The following GALNT13 variants were observed in gnomAD, a reference collection of about 807,000 sequenced individuals.
GALNT13 encodes the protein UDP-GalNAc:polypeptide N-acetylgalactosaminyltransferase 13.
In GALNT13, 28 loss-of-function variants were observed where a neutral mutation model predicts 64.2. The observed-to-expected ratio is 0.44, with a 90% CI of 0.32 to 0.60. The LOEUF (loss-of-function observed/expected upper bound fraction) is 0.60. GALNT13 is among the 20% of genes least tolerant of loss of function. GALNT13 has a pLI of 0.05. For missense variants in GALNT13, 577 were observed against 669.8 expected (o/e 0.86, Z 1.53); for synonymous variants, 214 against 224.6 (o/e 0.95, Z 0.42).
At chr2:153,599,420 C>T in the GALNT13 span, among the ~76,000 whole-genome samples, 7 of 152,120 alleles carry the variant, frequency 4.6e-5, no homozygotes, top group African/African-American at 1.4e-4. Context: ...CTTTGGTAAG[C>T]ACCATTCTGC....
chr2:153,833,555 G>A, the GALNT13 span, among the ~76,000 whole-genome samples: 2 of 152,100 alleles, frequency 1.3e-5, no homozygotes, highest in African/African-American at 4.8e-5. Context: ...ATTAGTAATT[G>A]TTGATAATCT....
the GALNT13 span, among the ~76,000 whole-genome samples, chr2:153,815,206 G>A: frequency 6.6e-6 from 1 of 152,194 alleles, no homozygotes; most frequent in Non-Finnish European, 1.5e-5. Flanking sequence ...TTTACTTGGA[G>A]AGATGATGTT....
the GALNT13 span, among the ~76,000 whole-genome samples, chr2:153,193,362 C>T: frequency 1.7e-4 from 26 of 149,276 alleles, no homozygotes; most frequent in South Asian, 4.2e-4. Context: ...AACCAAACAC[C>T]GCATATTCTC....
the GALNT13 span, among the ~76,000 whole-genome samples, chr2:153,665,595 T>C: frequency 6.6e-6 from 1 of 152,092 alleles, no homozygotes; most frequent in Admixed American, 6.5e-5. Flanking sequence ...AGAAGAAGAA[T>C]ACCCATCATT....
chr2:153,385,922 T>C, the GALNT13 span, among the ~76,000 whole-genome samples: 1 of 152,014 alleles, frequency 6.6e-6, no homozygotes, highest in Non-Finnish European at 1.5e-5. Flanking sequence ...AGGTAAATTG[T>C]ATCCTGTCAT....
At chr2:153,751,632 A>G in the GALNT13 span, among the ~76,000 whole-genome samples, 6 of 151,932 alleles carry the variant, frequency 3.9e-5, no homozygotes, top group Non-Finnish European at 8.8e-5. Flanking sequence ...TATGTCTGAC[A>G]TAAGAATAGC....
the GALNT13 span, among the ~76,000 whole-genome samples, chr2:153,529,207 A>C: frequency 6.6e-6 from 1 of 152,052 alleles, no homozygotes; most frequent in Non-Finnish European, 1.5e-5. Context: ...AATCCAAATA[A>C]AATCAGAGAT....
At chr2:153,907,367 T>TA (rs1688643765) in intron 2 of GALNT13, among the ~76,000 whole-genome samples, 1 of 151,820 alleles carries the variant, frequency 6.6e-6, no homozygotes, top group Non-Finnish European at 1.5e-5. Context: ...TACATATAAT[T>TA]ACATACATAA....
the GALNT13 span, among the ~76,000 whole-genome samples, chr2:153,378,590 T>C: frequency 6.6e-6 from 1 of 152,160 alleles, no homozygotes; most frequent in African/African-American, 2.4e-5. Flanking sequence ...CTAGAGTGTA[T>C]GCAAATTGGA....
At chr2:154,221,783 G>C (rs1688337606) in intron 4 of GALNT13, among the ~76,000 whole-genome samples, 1 of 152,034 alleles carries the variant, frequency 6.6e-6, no homozygotes, top group South Asian at 2.1e-4. Flanking sequence ...AATGAAGTTT[G>C]TTCTTTTCCT....
chr2:153,758,264 C>T, the GALNT13 span, among the ~76,000 whole-genome samples: 11 of 150,758 alleles, frequency 7.3e-5, no homozygotes, highest in Non-Finnish European at 1.2e-4. Flanking sequence ...GTGTTTTAGA[C>T]ACCTTTATCA....
chr2:153,491,632 A>ATTTATTTC, the GALNT13 span, among the ~76,000 whole-genome samples: 4 of 149,924 alleles, frequency 2.7e-5, no homozygotes, highest in South Asian at 2.1e-4. Flanking sequence ...TTATTTATTT[A>ATTTATTTC]TTTCTTCAGA....
At chr2:154,196,092 T>C (rs1686862919) in intron 4 of GALNT13, among the ~76,000 whole-genome samples, 1 of 152,228 alleles carries the variant, frequency 6.6e-6, no homozygotes, top group African/African-American at 2.4e-5. Flanking sequence ...AGCTTTTCTT[T>C]CCACTGAGAC....
At chr2:154,007,031 C>T (rs1696299305) in intron 3 of GALNT13, among the ~76,000 whole-genome samples, 1 of 152,150 alleles carries the variant, frequency 6.6e-6, no homozygotes. Context: ...CCCAAATCAG[C>T]TGGATTTTGA....
chr2:153,498,943 G>A, the GALNT13 span, among the ~76,000 whole-genome samples: 10 of 152,080 alleles, frequency 6.6e-5, no homozygotes, highest in Admixed American at 2.6e-4. Context: ...CGCCTCCCGG[G>A]TTCACTCCAT....
At chr2:153,242,048 T>C in the GALNT13 span, among the ~76,000 whole-genome samples, 2 of 152,116 alleles carry the variant, frequency 1.3e-5, no homozygotes, top group African/African-American at 4.8e-5. Context: ...GGACAGCAAT[T>C]TGGGGGCTCA....
chr2:154,437,510 C>A (rs1250495137), intron 11 of GALNT13: 14 of 1,270,546 alleles, frequency 1.1e-5, no homozygotes, highest in Non-Finnish European at 1.3e-5. Context: ...GAATACTGAA[C>A]AATGCTTATC....
chr2:154,107,326 G>A (rs1702675505), intron 3 of GALNT13, among the ~76,000 whole-genome samples: 1 of 152,120 alleles, frequency 6.6e-6, no homozygotes, highest in Admixed American at 6.6e-5. Context: ...TGGGCACAGT[G>A]GCTCATGCCT....
chr2:153,461,172 A>T, the GALNT13 span, among the ~76,000 whole-genome samples: 1 of 152,148 alleles, frequency 6.6e-6, no homozygotes, highest in African/African-American at 2.4e-5. Flanking sequence ...TTCATGTCTC[A>T]CCAAAAGTTT....
Sources: allele counts gnomAD v4.1 joint callset (sites outside exome capture counted in the v4.1 genomes callset), GRCh38; gene constraint gnomAD v4.1.1; transcripts MANE v1.5; gene names NCBI Gene and HGNC (gene_info 2026-07-23, HGNC 2026-07-21).